IKZF2: variants seen among roughly 807,000 people sequenced by gnomAD.
IKZF2 encodes zinc finger protein Helios.
Under a neutral mutation model 49.2 loss-of-function variants are expected in IKZF2, and 15 were observed. The observed-to-expected ratio is 0.30, with a 90% CI of 0.20 to 0.47. The LOEUF (loss-of-function observed/expected upper bound fraction) is 0.47. Among genes scored for constraint, IKZF2 ranks in the 20% least tolerant of loss-of-function variants. The probability of loss-of-function intolerance (pLI) is 1.00; values close to 1 mark genes in which losing one functional copy is unlikely to be tolerated. For synonymous variants in IKZF2, 227 were observed against 221.4 expected (o/e 1.03, Z -0.23); for missense variants, 567 against 664.6 (o/e 0.85, Z 1.61).
At chr2:213,044,226 T>C (rs569223856) in intron 6 of IKZF2, among the ~76,000 whole-genome samples, 3 of 152,328 alleles carry the variant, frequency 2.0e-5, no homozygotes, top group East Asian at 1.9e-4. Context: ...CTAGATCCCC[T>C]TTCTCTTTCA....
intron 2 of IKZF2, among the ~76,000 whole-genome samples, 162 bp from the exon 3 acceptor site, chr2:213,148,806 T>A (rs1423485615): frequency 6.6e-6 from 1 of 152,186 alleles, no homozygotes; most frequent in African/African-American, 2.4e-5. Flanking sequence ...TGCAAGTCAC[T>A]GAACTCTTTC....
At position 213,005,635 on chromosome 2, in the gene IKZF2, C is replaced by T. The variant is rs1383745962; in HGVS notation, c.*1725G>A. 1.3e-5 allele frequency: 2 copies of T among 151,992 alleles called. No homozygotes were observed. Among genetic ancestry groups the T allele is most frequent in the Non-Finnish European group, 2.9e-5 (2 of 67,970 alleles). The allele number at this position is 151,992 out of a possible 1,614,324, so 9.4% of individuals were successfully genotyped here. On this transcript the variant is annotated 3_prime_UTR_variant, in exon 9 of 9. Transcript: ENST00000434687. ...AGAGCAGTTATCAGTTACTGCCTAA[C>T]AGAATTTCAGTATTCACAAATGGTT...
intron 4 of IKZF2, among the ~76,000 whole-genome samples, chr2:213,147,146 C>A (rs1162264652): frequency 3.3e-5 from 5 of 152,086 alleles, no homozygotes; most frequent in Non-Finnish European, 7.4e-5. Flanking sequence ...AACATCTTTC[C>A]AAATTTTATC....
intron 6 of IKZF2, among the ~76,000 whole-genome samples, chr2:213,042,782 C>T (rs1699790219): frequency 6.6e-6 from 1 of 151,776 alleles, no homozygotes; most frequent in Middle Eastern, 3.4e-3. Flanking sequence ...ATGGTTTAGA[C>T]CAGAAAAATT....
chr2:213,058,819 AG>A (rs1346267093), intron 4 of IKZF2, among the ~76,000 whole-genome samples: 9 of 152,006 alleles, frequency 5.9e-5, no homozygotes, highest in Non-Finnish European at 1.0e-4. Flanking sequence ...AACATGGCAA[AG>A]AAAAAACAAA....
At chr2:213,148,705 TCTTAA>T (rs923677567) in intron 2 of IKZF2, 61 bp from the exon 3 acceptor site, 20 of 1,395,302 alleles carry the variant, frequency 1.4e-5, no homozygotes, top group South Asian at 3.6e-5. Context: ...GCCATTAAAT[TCTTAA>T]CTTATTTGAA....
chr2:213,000,405 A>G lies in IKZF2; in HGVS notation c.*6955T>C, dbSNP rs1158032814. On this transcript the variant is annotated 3_prime_UTR_variant, in exon 9 of 9. Coordinates refer to ENST00000434687, the MANE Select transcript of IKZF2 (RefSeq NM_001387220.1). ...ATACCCTAGAAACTGTCAAGCAATT[A>G]GTCTTTAAAATAGTCTAATTACCTT... is the stretch of plus-strand genomic sequence containing the variant. The G allele has an allele frequency of 1.3e-5, 2 of 151,446 alleles. No homozygotes were observed. The highest frequency in any genetic ancestry group is 3.0e-5 in the Non-Finnish European group (2 of 67,506). The allele number at this position is 151,446 out of a possible 1,614,324, so 9.4% of individuals were successfully genotyped here. A position where few individuals can be genotyped will look rare whatever the true frequency, so the allele number is the denominator to read the frequency against.
intron 4 of IKZF2, among the ~76,000 whole-genome samples, chr2:213,076,297 C>G (rs1703255341): frequency 6.6e-6 from 1 of 151,662 alleles, no homozygotes; most frequent in Non-Finnish European, 1.5e-5. Flanking sequence ...AACACCGAAA[C>G]AAAACTACTA....
At chr2:213,098,260 A>G (rs148577436) in intron 4 of IKZF2, among the ~76,000 whole-genome samples, 9 of 152,292 alleles carry the variant, frequency 5.9e-5, no homozygotes, top group Non-Finnish European at 1.3e-4. Context: ...CATATTGAGA[A>G]GAAATAAATT....
rs77650823 is a variant in IKZF2 at position 213,107,553 on chromosome 2, G to C, written c.139+40155C>G. 3.0e-4 allele frequency among the ~76,000 whole-genome samples: 45 copies of C among 152,262 alleles called. No individual in the cohort carries two copies. The East Asian group carries it at 7.7e-3, about 26-fold the overall frequency. Reference sequence around the variant, plus strand: ...GCGAGAACCTGACTGGCACTTAATAGGGAAGGTATGTAAATCATGGTTCAA... The same window carrying C: ...GCGAGAACCTGACTGGCACTTAATACGGAAGGTATGTAAATCATGGTTCAA... On this transcript the variant is annotated intron_variant, in intron 4 of 8. Transcript: ENST00000434687.
intron 4 of IKZF2, among the ~76,000 whole-genome samples, chr2:213,068,344 A>G (rs1009845659): frequency 6.6e-6 from 1 of 152,096 alleles, no homozygotes; most frequent in Non-Finnish European, 1.5e-5. Context: ...TGAAGATCAC[A>G]TCTATGTCAC....
Position 213,079,272 on chromosome 2 carries a change from G to C in IKZF2, c.140-22173C>G, listed in dbSNP as rs1371585123. On this transcript the variant is annotated intron_variant, in intron 4 of 8. Transcript: ENST00000434687. ...TGCGTGTTTGTAGTCCCAACTACTT[G>C]GGGGACTGGGACAGGAGTATTGCTT... 2.6e-5 allele frequency among the ~76,000 whole-genome samples: 4 copies of C among 152,020 alleles called. No homozygotes were observed. The East Asian group carries it at 7.7e-4, about 29-fold the overall frequency.
intron 6 of IKZF2, among the ~76,000 whole-genome samples, chr2:213,043,852 G>T (rs564454839): frequency 4.5e-4 from 68 of 152,308 alleles, no homozygotes; most frequent in African/African-American, 1.6e-3. Context: ...GCCACCCAGT[G>T]ACTGGTACTG....
intron 4 of IKZF2, among the ~76,000 whole-genome samples, chr2:213,063,870 C>T (rs780985552): frequency 1.2e-4 from 18 of 151,976 alleles, no homozygotes; most frequent in Admixed American, 3.3e-4. Flanking sequence ...ACAGTTCTTA[C>T]GGTAGCTGTA....
rs2061233222 is a variant in IKZF2 at position 213,150,196 on chromosome 2, C to G, written c.-68G>C. ...GATTCATCACCATTTCCAGCTCTGT[C>G]GGGAGATCTCAGCTTCTTCTAACCC... On this transcript the variant is annotated 5_prime_UTR_variant, in exon 2 of 9. Coordinates refer to ENST00000434687, the MANE Select transcript of IKZF2 (RefSeq NM_001387220.1). The G allele has an allele frequency of 7.7e-7, 1 of 1,303,140 alleles. No homozygotes were observed. Among genetic ancestry groups the G allele is most frequent in the East Asian group, 5.6e-5 (1 of 18,014 alleles). The allele number at this position is 1,303,140 out of a possible 1,614,324, so 80.7% of individuals were successfully genotyped here.
intron 4 of IKZF2, among the ~76,000 whole-genome samples, chr2:213,066,754 CCTAAT>C (rs1343241990): frequency 2.3e-4 from 35 of 152,036 alleles, no homozygotes; most frequent in Admixed American, 1.7e-3. Flanking sequence ...GTTTTCTACT[CCTAAT>C]GAATGAATGA....
chr2:213,117,009 A>G (rs536826077), intron 4 of IKZF2, among the ~76,000 whole-genome samples: 1 of 152,208 alleles, frequency 6.6e-6, no homozygotes. Flanking sequence ...CGTAATTTGT[A>G]CTCAACAGCA....
chr2:213,125,871 A>T (rs1300898853), intron 4 of IKZF2, among the ~76,000 whole-genome samples: 2 of 152,210 alleles, frequency 1.3e-5, no homozygotes, highest in Non-Finnish European at 2.9e-5. Context: ...AGTATGTACC[A>T]TGCAACCCTA....
intron 4 of IKZF2, among the ~76,000 whole-genome samples, chr2:213,059,308 T>C (rs376769958): frequency 7.2e-5 from 11 of 151,740 alleles, no homozygotes; most frequent in African/African-American, 2.2e-4. Context: ...GGTTTATCTC[T>C]TTACTCAAGG....
Sources: allele counts gnomAD v4.1 joint callset (sites outside exome capture counted in the v4.1 genomes callset), GRCh38; gene constraint gnomAD v4.1.1; transcripts MANE v1.5; gene names NCBI Gene and HGNC (gene_info 2026-07-23, HGNC 2026-07-21).